Variants in ST8SIA2 observed in about 807,000 individuals in gnomAD.
ST8SIA2 encodes alpha-2,8-sialyltransferase 8B.
Under a neutral mutation model 37.6 loss-of-function variants are expected in ST8SIA2, and 22 were observed. That is an observed-to-expected ratio of 0.58 (90% CI 0.42 to 0.83). The LOEUF is 0.83. Ranked by LOEUF, ST8SIA2 falls within the 40% of genes least tolerant of loss-of-function variation. The pLI, the probability that ST8SIA2 is intolerant of heterozygous loss-of-function variation, is 0.00. For synonymous variants in ST8SIA2, 205 were observed against 201.2 expected, an observed-to-expected ratio of 1.02 and a Z score of -0.16; for missense variants, 382 against 484.7, an observed-to-expected ratio of 0.79 and a Z score of 1.99.
In ST8SIA2 at chr15:92,457,091, C is replaced by T. The variant is rs184875312; in HGVS notation, c.843-7009C>T. Among the ~76,000 whole-genome samples the T allele has an allele frequency of 9.8e-5, 15 of 152,332 alleles. No individual in the cohort carries two copies. In the East Asian group the frequency reaches 1.4e-3, roughly 14 times the overall value. ...CGTGGGCTGTAGGGCCCCTGGATCA[C>T]GGCTGAGGCTGCCAATGCAGAGGAC... On this transcript the variant is annotated intron_variant, in intron 5 of 5. Coordinates refer to ENST00000268164, the MANE Select transcript of ST8SIA2 (RefSeq NM_006011.4).
At position 92,394,011 on chromosome 15, in the gene ST8SIA2, C is replaced by T; in HGVS notation, c.-54C>T. On this transcript the variant is annotated 5_prime_UTR_variant, in exon 1 of 6. Transcript: ENST00000268164. Reference sequence around the variant, plus strand: ...CTCCGGCGTCCGCCGCTGCGCCCTCCGGCCCCTGCTCCTCGCGCCGGCCCG... The same window carrying T: ...CTCCGGCGTCCGCCGCTGCGCCCTCTGGCCCCTGCTCCTCGCGCCGGCCCG... 1 of 1,419,958 alleles carries T rather than the reference C, an allele frequency of 7.0e-7. No individual in the cohort carries two copies. The highest frequency in any genetic ancestry group is 9.5e-7 in the Non-Finnish European group (1 of 1,051,136). The allele number at this position is 1,419,958 out of a possible 1,614,324, so 88.0% of individuals were successfully genotyped here. A position where few individuals can be genotyped will look rare whatever the true frequency, so the allele number is the denominator to read the frequency against.
chr15:92,401,984 G>T (rs2049475671), intron 1 of ST8SIA2, among the ~76,000 whole-genome samples: 1 of 151,786 alleles, frequency 6.6e-6, no homozygotes, highest in Admixed American at 6.6e-5. Context: ...TGCCTGAAAA[G>T]AACTCTTCTA....
chr15:92,402,329 T>C (rs1263836564), intron 1 of ST8SIA2, among the ~76,000 whole-genome samples: 3 of 152,226 alleles, frequency 2.0e-5, no homozygotes, highest in Non-Finnish European at 2.9e-5. Flanking sequence ...ACACTTTAGC[T>C]GTATTCACAC....
chr15:92,434,558 C>G (rs568121681), intron 3 of ST8SIA2, among the ~76,000 whole-genome samples, 183 bp downstream of exon 3: 1 of 151,656 alleles, frequency 6.6e-6, no homozygotes, highest in South Asian at 2.1e-4. Flanking sequence ...AGCGGCCCAG[C>G]CTGTGTATGT....
chr15:92,464,231 A>G lies in ST8SIA2; in HGVS notation c.974A>G (p.Asn325Ser). Residue 325 changes from asparagine (N) to serine (S), a missense_variant, in exon 6 of 6, where the codon AAC becomes AGC. Physicochemically the swap from Asn to Ser is conservative, Grantham distance 46. Transcript: ENST00000268164. ...CCCTTTCCGCTGGATCAGAACCAGA[A>G]CCCAGTCAAGTACCACTATTATGAC... ...FWPFPLDQNQ[N>S]PVKYHYYDSL... 1 of 1,613,994 alleles carries G rather than the reference A, an allele frequency of 6.2e-7. No homozygotes were observed. Among genetic ancestry groups the G allele is most frequent in the African/African-American group, 1.3e-5 (1 of 74,974 alleles).
chr15:92,415,740 G>A (rs1483563074), intron 1 of ST8SIA2, among the ~76,000 whole-genome samples: 2 of 152,126 alleles, frequency 1.3e-5, no homozygotes, highest in Non-Finnish European at 2.9e-5. Context: ...GGTCGAACAT[G>A]CAAGCCCCTG....
chr15:92,439,029 G>A (rs1013027520), intron 4 of ST8SIA2, among the ~76,000 whole-genome samples: 5 of 152,250 alleles, frequency 3.3e-5, no homozygotes, highest in South Asian at 2.1e-4. Flanking sequence ...CACTGGGCAC[G>A]GTTAAATCAT....
At position 92,394,006 on chromosome 15, in the gene ST8SIA2, C is replaced by T. The variant is rs890670633; in HGVS notation, c.-59C>T. The T allele has an allele frequency of 2.5e-4, 339 of 1,361,318 alleles. No homozygotes were observed. Among genetic ancestry groups the T allele is most frequent in the Middle Eastern group, 1.0e-3 (5 of 4,910 alleles). 84.3% of individuals were successfully genotyped at this position (1,361,318 alleles called of 1,614,324 possible). A position where few individuals can be genotyped will look rare whatever the true frequency, so the allele number is the denominator to read the frequency against. ...GGAGGCTCCGGCGTCCGCCGCTGCG[C>T]CCTCCGGCCCCTGCTCCTCGCGCCG... On this transcript the variant is annotated 5_prime_UTR_variant, in exon 1 of 6. Transcript: ENST00000268164.
chr15:92,456,561 T>C (rs1345164676), intron 5 of ST8SIA2, among the ~76,000 whole-genome samples: 4 of 152,090 alleles, frequency 2.6e-5, no homozygotes, highest in Admixed American at 2.6e-4. Context: ...AAGAACAACA[T>C]ACCGGACACA....
At chr15:92,403,979 A>G (rs1392851702) in intron 1 of ST8SIA2, among the ~76,000 whole-genome samples, 2 of 152,214 alleles carry the variant, frequency 1.3e-5, no homozygotes, top group Non-Finnish European at 2.9e-5. Flanking sequence ...CGGCATCCCA[A>G]AGAAAGACCT....
intron 5 of ST8SIA2, among the ~76,000 whole-genome samples, chr15:92,447,563 G>T (rs139293010): frequency 0.01 from 1,530 of 152,228 alleles, 10 homozygotes; most frequent in Non-Finnish European, 0.015. Flanking sequence ...CTTCACTGGG[G>T]ACTTAGCATA....
At chr15:92,401,758 G>T (rs1327952398) in intron 1 of ST8SIA2, among the ~76,000 whole-genome samples, 1 of 151,806 alleles carries the variant, frequency 6.6e-6, no homozygotes, top group South Asian at 2.1e-4. Flanking sequence ...GAGGGACTCA[G>T]CTTTGCTTCC....
chr15:92,430,040 G>C lies in ST8SIA2; in HGVS notation c.99-9G>C. 6.2e-7 allele frequency: 1 copy of C among 1,614,134 alleles called. No homozygotes were observed. The highest frequency in any genetic ancestry group is 8.5e-7 in the Non-Finnish European group (1 of 1,180,004). On this transcript the variant is annotated splice_polypyrimidine_tract_variant and intron_variant, in intron 1 of 5. Coordinates refer to ENST00000268164, the MANE Select transcript of ST8SIA2 (RefSeq NM_006011.4). ...GGTTTATAAATAATGCATTTCCTTT[G>C]TCTTGCAGGAATTCGGGAGGCAGAG...
At chr15:92,418,550 A>C (rs552856147) in intron 1 of ST8SIA2, among the ~76,000 whole-genome samples, 1 of 150,324 alleles carries the variant, frequency 6.7e-6, no homozygotes, top group Admixed American at 6.6e-5. Flanking sequence ...TTTTTAATTG[A>C]TGTCTTGGAA....
chr15:92,421,167 G>C (rs886154299), intron 1 of ST8SIA2: 8 of 152,206 alleles, frequency 5.3e-5, no homozygotes, highest in Non-Finnish European at 7.3e-5. Context: ...GCCAATGCCA[G>C]CTTTCAGCAA....
At chr15:92,400,063 C>T (rs555179471) in intron 1 of ST8SIA2, among the ~76,000 whole-genome samples, 4 of 152,198 alleles carry the variant, frequency 2.6e-5, no homozygotes, top group South Asian at 2.1e-4. Context: ...TTGCACATCC[C>T]GCTCCTGCTC....
intron 1 of ST8SIA2, among the ~76,000 whole-genome samples, chr15:92,401,585 T>G (rs998291369): frequency 3.9e-5 from 6 of 152,194 alleles, no homozygotes; most frequent in Admixed American, 2.6e-4. Context: ...CTCCTGACAC[T>G]TTCAAGCACT....
chr15:92,415,070 G>T (rs1257737805), intron 1 of ST8SIA2, among the ~76,000 whole-genome samples: 1 of 152,130 alleles, frequency 6.6e-6, no homozygotes, highest in Admixed American at 6.5e-5. Context: ...GACACCTGGG[G>T]CTGTTACCCT....
chr15:92,457,103 C>G (rs1445625769), intron 5 of ST8SIA2, among the ~76,000 whole-genome samples: 1 of 152,238 alleles, frequency 6.6e-6, no homozygotes, highest in Admixed American at 6.5e-5. Context: ...GCTGAGGCTG[C>G]CAATGCAGAG....
Sources: gnomAD v4.1 joint callset for allele counts (sites outside exome capture counted in the v4.1 genomes callset) on GRCh38, gnomAD v4.1.1 for gene constraint, MANE v1.5 for transcripts, NCBI Gene and HGNC (gene_info 2026-07-23, HGNC 2026-07-21) for gene names.